The following ZMYM2 variants were observed in gnomAD, a reference collection of about 807,000 sequenced individuals.
The protein encoded by ZMYM2 is zinc finger MYM-type containing 2, also known as zinc finger MYM-type protein 2.
In ZMYM2, 56 loss-of-function variants were observed where a neutral mutation model predicts 162.8. The ratio of observed to expected loss-of-function variants is 0.34; its 90% CI spans 0.28 to 0.43. ZMYM2 has a LOEUF of 0.43. ZMYM2 is among the 20% of genes least tolerant of loss of function. ZMYM2 has a pLI of 1.00. For synonymous variants in ZMYM2, 510 were observed against 541.6 expected, an observed-to-expected ratio of 0.94 and a Z score of 0.81; for missense variants, 1,275 against 1,621.8, an observed-to-expected ratio of 0.79 and a Z score of 3.67.
the ZMYM2 span, among the ~76,000 whole-genome samples, chr13:19,908,618 T>C: frequency 1.3e-5 from 2 of 151,654 alleles, no homozygotes; most frequent in Non-Finnish European, 2.9e-5. Flanking sequence ...TTGCTGATCA[T>C]TGCCTTTTAT....
At chr13:19,875,282 GAAAA>G in the ZMYM2 span, among the ~76,000 whole-genome samples, 29 of 148,700 alleles carry the variant, frequency 2.0e-4, no homozygotes, top group African/African-American at 7.2e-4. Context: ...GCACATTACT[GAAAA>G]AAAAAATCTG....
chr13:19,969,686 A>G (rs1348614422), intron 2 of ZMYM2, among the ~76,000 whole-genome samples: 2 of 152,172 alleles, frequency 1.3e-5, no homozygotes, highest in African/African-American at 4.8e-5. Flanking sequence ...CTTCAGGCTC[A>G]CTTTATTTAC....
chr13:19,918,538 G>A, the ZMYM2 span, among the ~76,000 whole-genome samples: 1 of 90,782 alleles, frequency 1.1e-5, no homozygotes, highest in Admixed American at 1.8e-4. Flanking sequence ...TTTTGCTCTT[G>A]TACATGCTGG....
chr13:20,036,584 C>T (rs1953724787), intron 11 of ZMYM2, among the ~76,000 whole-genome samples, 153 bp from the exon 12 acceptor site: 1 of 152,034 alleles, frequency 6.6e-6, no homozygotes, highest in Admixed American at 6.5e-5. Context: ...ATCCCATATT[C>T]TGTTCTAATT....
chr13:19,939,269 C>A, the ZMYM2 span, among the ~76,000 whole-genome samples: 1 of 151,930 alleles, frequency 6.6e-6, no homozygotes, highest in South Asian at 2.1e-4. Flanking sequence ...AGTGATCCAC[C>A]CACCTCGGCC....
At chr13:19,985,304 T>A (rs1949040714) in intron 2 of ZMYM2, among the ~76,000 whole-genome samples, 1 of 152,112 alleles carries the variant, frequency 6.6e-6, no homozygotes, top group South Asian at 2.1e-4. Flanking sequence ...TTGTATTTTT[T>A]GTAGAGTCAG....
At chr13:19,876,617 C>T in the ZMYM2 span, among the ~76,000 whole-genome samples, 508 of 152,254 alleles carry the variant, frequency 3.3e-3, 1 homozygote, top group South Asian at 0.026. Flanking sequence ...GCCACCTCGC[C>T]TGGCCTAAAA....
At chr13:19,915,415 T>TTTCTTTCTTTCTTTCTTTCTTTC in the ZMYM2 span, among the ~76,000 whole-genome samples, 1 of 148,280 alleles carries the variant, frequency 6.7e-6, no homozygotes, top group African/African-American at 2.6e-5. Flanking sequence ...CTTGCTTGCT[T>TTTCTTTCTTTCTTTCTTTCTTTC]TTTCTTTCTT....
chr13:19,955,037 C>G (rs1023324669), upstream of ZMYM2, among the ~76,000 whole-genome samples: 4 of 151,942 alleles, frequency 2.6e-5, no homozygotes, highest in Non-Finnish European at 5.9e-5. Context: ...GTCTCAAACT[C>G]CCGATCTCAA....
intron 2 of ZMYM2, among the ~76,000 whole-genome samples, chr13:19,974,630 C>G (rs1329336360): frequency 1.3e-5 from 2 of 152,188 alleles, no homozygotes; most frequent in East Asian, 1.9e-4. Context: ...CGCCACCACA[C>G]CCGGCTGATT....
the ZMYM2 span, among the ~76,000 whole-genome samples, chr13:19,945,382 G>A: frequency 5.3e-5 from 8 of 152,036 alleles, no homozygotes; most frequent in Admixed American, 2.0e-4. Flanking sequence ...CTCCCAAGTA[G>A]CTGGAACTAC....
chr13:19,925,179 C>T, the ZMYM2 span, among the ~76,000 whole-genome samples: 43 of 152,194 alleles, frequency 2.8e-4, no homozygotes, highest in African/African-American at 8.4e-4. Flanking sequence ...CCACCGTGCC[C>T]GGCAATTTAT....
intron 6 of ZMYM2, among the ~76,000 whole-genome samples, chr13:20,018,123 A>AT (rs1485697229): frequency 6.6e-6 from 1 of 152,182 alleles, no homozygotes; most frequent in Non-Finnish European, 1.5e-5. Context: ...ACATTAGCTG[A>AT]TACCACCCTG....
intron 6 of ZMYM2, among the ~76,000 whole-genome samples, chr13:20,009,003 A>T (rs769699338): frequency 1.1e-4 from 17 of 152,184 alleles, no homozygotes; most frequent in Non-Finnish European, 1.5e-5. Flanking sequence ...TTCAAAAACC[A>T]GGGAAAAAAT....
intron 2 of ZMYM2, among the ~76,000 whole-genome samples, chr13:19,990,890 G>A (rs1949549021): frequency 6.6e-6 from 1 of 152,012 alleles, no homozygotes; most frequent in South Asian, 2.1e-4. Context: ...TTGCCCTTCA[G>A]TTTTACCTCT....
chr13:19,881,380 G>A, the ZMYM2 span, among the ~76,000 whole-genome samples: 1 of 151,968 alleles, frequency 6.6e-6, no homozygotes, highest in Non-Finnish European at 1.5e-5. Context: ...CCAGCACTCT[G>A]GGAGGCTGAG....
chr13:19,924,412 C>T, the ZMYM2 span, among the ~76,000 whole-genome samples: 22 of 151,884 alleles, frequency 1.4e-4, no homozygotes, highest in African/African-American at 4.6e-4. Flanking sequence ...AAAAAAAAAT[C>T]TAAAAATTAG....
the ZMYM2 span, among the ~76,000 whole-genome samples, chr13:19,893,741 A>C: frequency 3.3e-5 from 5 of 151,666 alleles, no homozygotes; most frequent in Non-Finnish European, 7.3e-5. Context: ...CTCTGTCTCA[A>C]AAACTAAATA....
At position 20,058,690 on chromosome 13, in the gene ZMYM2, A is replaced by C; in HGVS notation, c.2609A>C (p.Lys870Thr). 1 of 1,613,600 alleles carries C rather than the reference A, an allele frequency of 6.2e-7. No individual in the cohort carries two copies. The highest frequency in any genetic ancestry group is 8.5e-7 in the Non-Finnish European group (1 of 1,179,710). Reference protein sequence around the residue: ...ATYCKPHMQTKSCQTDDTWRT... With the variant: ...ATYCKPHMQTTSCQTDDTWRT... The stretch of plus-strand genomic sequence containing the variant: ...TACTGTAAACCTCACATGCAGACCA[A>C]ATCTTGTCAGACAGGTAACTTAGGA... Residue 870 changes from lysine to threonine, a missense_variant, in exon 15 of 25, where the codon AAA becomes ACA. Physicochemically the swap from Lys to Thr is moderately conservative, Grantham distance 78 (BLOSUM62 -1). Coordinates refer to ENST00000610343, the MANE Select transcript of ZMYM2 (RefSeq NM_197968.4).
Sources: gnomAD v4.1 joint callset for allele counts (sites outside exome capture counted in the v4.1 genomes callset) on GRCh38, gnomAD v4.1.1 for gene constraint, MANE v1.5 for transcripts, NCBI Gene and HGNC (gene_info 2026-07-23, HGNC 2026-07-21) for gene names.